NAV1: variants seen among roughly 807,000 people sequenced by gnomAD.
The protein encoded by NAV1 is neuron navigator 1.
A neutral mutation model predicts 175.2 loss-of-function variants in NAV1; 18 were observed. The ratio of observed to expected loss-of-function variants is 0.10; its 90% CI spans 0.07 to 0.15. The LOEUF (loss-of-function observed/expected upper bound fraction) is 0.15. Among genes scored for constraint, NAV1 ranks in the 10% least tolerant of loss-of-function variants. The pLI is 1.00. For synonymous variants in NAV1, 897 were observed against 978.7 expected (o/e 0.92, Z 1.56); for missense variants, 1,731 against 2,436.6 (o/e 0.71, Z 6.10).
intron 2 of NAV1, among the ~76,000 whole-genome samples, chr1:201,636,953 G>A (rs1053326610): frequency 2.6e-5 from 4 of 152,298 alleles, no homozygotes; most frequent in African/African-American, 7.2e-5. Context: ...GAAAGGCAAC[G>A]TTCTCATCAT....
At chr1:201,646,624 G>C (rs535465638), upstream of NAV1, among the ~76,000 whole-genome samples, 36 of 152,028 alleles carry the variant, frequency 2.4e-4, no homozygotes, top group South Asian at 5.2e-3. Context: ...CTATATTCTC[G>C]TGCCACTTAT....
intron 1 of NAV1, among the ~76,000 whole-genome samples, chr1:201,681,492 A>T (rs943794448): frequency 6.6e-6 from 1 of 152,126 alleles, no homozygotes; most frequent in African/African-American, 2.4e-5. Flanking sequence ...TTGGCAGAAC[A>T]CTGGTAGGGC....
intron 1 of NAV1, among the ~76,000 whole-genome samples, chr1:201,695,288 G>A (rs893502884): frequency 2.6e-5 from 4 of 152,100 alleles, no homozygotes; most frequent in South Asian, 2.1e-4. Context: ...TCTCCTCTCC[G>A]GGCCCTTAGC....
At position 201,782,920 on chromosome 1, in the gene NAV1, C is replaced by A. The variant is rs138319454; in HGVS notation, c.2357+51C>A. ...TTGTCTGTTTGCTTTGTCATTCTTT[C>A]GCATATCTCTGCCCTCCTTGGACTA... On this transcript the variant is annotated intron_variant, in intron 6 of 29. Coordinates refer to ENST00000367296, the Ensembl canonical transcript of NAV1. The surrounding 1 kb of genome is among the most constrained non-coding windows in gnomAD (Gnocchi z 5.4). 4.7e-5 allele frequency: 70 copies of A among 1,474,704 alleles called. No individual in the cohort carries two copies. In the African/African-American group the frequency reaches 9.0e-4, roughly 19 times the overall value. The allele number at this position is 1,474,704 out of a possible 1,614,324, so 91.4% of individuals were successfully genotyped here.
At chr1:201,670,653 G>A (rs897806763) in intron 1 of NAV1, among the ~76,000 whole-genome samples, 2 of 151,950 alleles carry the variant, frequency 1.3e-5, no homozygotes, top group Admixed American at 6.6e-5. Context: ...GATGATGACA[G>A]AGATGATGTG....
At chr1:201,620,551 C>G (rs1009319605), upstream of NAV1, among the ~76,000 whole-genome samples, 1 of 150,766 alleles carries the variant, frequency 6.6e-6, no homozygotes, top group African/African-American at 2.5e-5. Context: ...CTCTGCCTCC[C>G]AGGTTCAAGC....
intron 1 of NAV1, among the ~76,000 whole-genome samples, chr1:201,672,847 C>T (rs1670094543): frequency 6.6e-6 from 1 of 152,230 alleles, no homozygotes; most frequent in Non-Finnish European, 1.5e-5. Flanking sequence ...AGACTGGGCT[C>T]TGAGAACTTA....
chr1:201,782,423 C>G lies in NAV1; in HGVS notation c.1911C>G (p.Ile637Met). Residue 637 changes from isoleucine (I) to methionine (M), a missense_variant, in exon 6 of 30, where the codon ATC (isoleucine) becomes ATG (methionine). Ile to Met is a conservative substitution (Grantham distance 10). Transcript: ENST00000367296. This position sits in a 1 kb window ranked among gnomAD's most constrained non-coding sequence, Gnocchi z 5.4. ...GCAAGATCCAGAAGTCCTCAGGCAT[C>G]CCTGTCAAGCCAGTAAATGGGCGCA... 1 of 1,614,090 alleles carries G rather than the reference C, an allele frequency of 6.2e-7. No individual in the cohort carries two copies.
intron 3 of NAV1, among the ~76,000 whole-genome samples, chr1:201,745,340 C>T (rs779877984): frequency 1.3e-5 from 2 of 152,112 alleles, no homozygotes; most frequent in Non-Finnish European, 2.9e-5. Flanking sequence ...TTGATGTAAC[C>T]CATGGACTTA....
intron 1 of NAV1, among the ~76,000 whole-genome samples, chr1:201,660,874 C>T (rs532084202): frequency 1.3e-5 from 2 of 152,106 alleles, no homozygotes; most frequent in African/African-American, 4.8e-5. Context: ...GAGGAAGGGC[C>T]CAGGTGGCCA....
intron 11 of NAV1, 47 bp downstream of exon 15, chr1:201,789,839 A>C: frequency 1.9e-6 from 3 of 1,553,444 alleles, no homozygotes; most frequent in Non-Finnish European, 2.7e-6. Flanking sequence ...CCCCTCTACC[A>C]TCCCATGCTC....
At chr1:201,673,118 A>G (rs564021772) in intron 1 of NAV1, 11 of 152,388 alleles carry the variant, frequency 7.2e-5, no homozygotes, top group South Asian at 2.1e-4. Context: ...CTGTTCTTTA[A>G]TGAATTTATT....
intron 29 of NAV1, 110 bp from the exon 34 acceptor site, chr1:201,819,727 C>T (rs916973572): frequency 2.3e-6 from 2 of 871,126 alleles, no homozygotes; most frequent in Non-Finnish European, 1.9e-6. Context: ...TCAAGCTATC[C>T]TTCCACCTTG....
At chr1:201,670,308 G>A (rs1669988460) in intron 1 of NAV1, among the ~76,000 whole-genome samples, 2 of 146,604 alleles carry the variant, frequency 1.4e-5, no homozygotes, top group South Asian at 2.2e-4. Flanking sequence ...GTGAACCTGG[G>A]AGGCCGAGTT....
intron 2 of NAV1, among the ~76,000 whole-genome samples, chr1:201,599,859 AAAC>A (rs535887313): frequency 2.8e-4 from 42 of 152,290 alleles, no homozygotes; most frequent in Non-Finnish European, 5.4e-4. Context: ...GAGGGGGAAA[AAAC>A]AACACTTTAT....
At chr1:201,691,241 A>T (rs1670923903) in intron 1 of NAV1, among the ~76,000 whole-genome samples, 1 of 152,192 alleles carries the variant, frequency 6.6e-6, no homozygotes, top group Non-Finnish European at 1.5e-5. Flanking sequence ...TCCAGACATC[A>T]CCAAATGTCC....
At position 201,558,950 on chromosome 1, in the gene NAV1, T is replaced by TG. The variant is rs375706936; in HGVS notation, c.-144+19613dup. 3.3e-3 allele frequency among the ~76,000 whole-genome samples: 504 copies of TG among 152,060 alleles called. 3 individuals carry two copies. The highest frequency in any genetic ancestry group is 0.011 in the African/African-American group (451 of 41,438). ...GATGATTGAGAGGCAGGAGTTGGGG[T>TG]GGGGGAAGTCAGAGGTACCTTGAGT... On this transcript the variant is annotated intron_variant, in intron 1 of 33. Transcript: ENST00000685211.
intron 3 of NAV1, among the ~76,000 whole-genome samples, chr1:201,734,452 G>A (rs763842276): frequency 1.5e-4 from 11 of 72,804 alleles, no homozygotes; most frequent in African/African-American, 2.7e-4. Context: ...AAGAAGAAGA[G>A]GAGGAGGAGG....
upstream of NAV1, among the ~76,000 whole-genome samples, chr1:201,621,476 G>A (rs553887436): frequency 5.9e-5 from 9 of 151,768 alleles, no homozygotes; most frequent in South Asian, 2.1e-4. Flanking sequence ...TGGGATTACA[G>A]GCGTGCCACC....
Sources: allele counts gnomAD v4.1 joint callset (sites outside exome capture counted in the v4.1 genomes callset), GRCh38; gene constraint gnomAD v4.1.1; non-coding constraint Gnocchi (gnomAD v3.1); transcripts MANE v1.5; gene names NCBI Gene and HGNC (gene_info 2026-07-23, HGNC 2026-07-21).